PTBP3: variants seen among roughly 807,000 people sequenced by gnomAD.
PTBP3 encodes polypyrimidine tract binding protein 3, also known as polypyrimidine tract-binding protein 3.
In PTBP3, 20 loss-of-function variants were observed where a neutral mutation model predicts 58.7. That is an observed-to-expected ratio of 0.34 (90% confidence interval 0.24 to 0.50). The LOEUF is 0.50. Ranked by LOEUF, PTBP3 falls within the 20% of genes least tolerant of loss-of-function variation. The pLI is 0.98. For missense variants in PTBP3, 509 were observed against 637.2 expected (o/e 0.80, Z 2.17); for synonymous variants, 185 against 219.8 (o/e 0.84, Z 1.40).
At chr9:112,258,147 A>C (rs1836450892) in intron 5 of PTBP3, among the ~76,000 whole-genome samples, 1 of 152,204 alleles carries the variant, frequency 6.6e-6, no homozygotes, top group Admixed American at 6.5e-5. Flanking sequence ...CAATTCAAAA[A>C]GATTGGTCCT....
the PTBP3 span, among the ~76,000 whole-genome samples, chr9:112,366,630 C>A: frequency 6.6e-6 from 1 of 152,146 alleles, no homozygotes; most frequent in African/African-American, 2.4e-5. Flanking sequence ...TCCAAAGATG[C>A]GTAGAAATGC....
intron 1 of PTBP3, among the ~76,000 whole-genome samples, chr9:112,314,997 A>C (rs966392394): frequency 6.6e-6 from 1 of 152,038 alleles, no homozygotes; most frequent in Non-Finnish European, 1.5e-5. Flanking sequence ...ATGCCCGGCT[A>C]ATTTTTTGTA....
chr9:112,276,852 A>T (rs1449526209), intron 2 of PTBP3, among the ~76,000 whole-genome samples: 1 of 152,260 alleles, frequency 6.6e-6, no homozygotes, highest in Non-Finnish European at 1.5e-5. Flanking sequence ...TGCAAGTAAG[A>T]TTCAGAAAAG....
At chr9:112,238,524 T>G (rs1216426379) in intron 7 of PTBP3, among the ~76,000 whole-genome samples, 2 of 152,104 alleles carry the variant, frequency 1.3e-5, no homozygotes, top group Non-Finnish European at 2.9e-5. Context: ...AAAGGATAAT[T>G]TCTAGAACCA....
the PTBP3 span, among the ~76,000 whole-genome samples, chr9:112,378,569 T>C: frequency 6.6e-6 from 1 of 152,354 alleles, no homozygotes; most frequent in African/African-American, 2.4e-5. Context: ...GACAGATATA[T>C]ACACGCTTCA....
chr9:112,349,784 A>T, the PTBP3 span, among the ~76,000 whole-genome samples: 1 of 138,318 alleles, frequency 7.2e-6, no homozygotes, highest in East Asian at 2.2e-4. Flanking sequence ...GAATCGCTTG[A>T]ATCTGGGAGA....
chr9:112,258,926 A>G (rs73537745), intron 5 of PTBP3, among the ~76,000 whole-genome samples: 6,871 of 152,186 alleles, frequency 0.045, 275 homozygotes, highest in African/African-American at 0.096. Flanking sequence ...GTAGGACAAG[A>G]GCCTCCACTT....
Position 112,287,334 on chromosome 9 carries a change from G to GTTTTTTTTTTTTTTTTTTTTTTTTT in PTBP3, c.34+10497_34+10498insAAAAAAAAAAAAAAAAAAAAAAAAA, listed in dbSNP as rs34426952. 1.0e-4 allele frequency among the ~76,000 whole-genome samples: 10 copies of GTTTTTTTTTTTTTTTTTTTTTTTTT among 96,080 alleles called. 4 individuals carry two copies. The highest frequency in any genetic ancestry group is 9.5e-5 in the Non-Finnish European group (5 of 52,590). 63.0% of individuals were successfully genotyped at this position (96,080 alleles called of 152,430 possible). A position where few individuals can be genotyped will look rare whatever the true frequency, so the allele number is the denominator to read the frequency against. ...TAAGGCTCTGTTCACTTCTTTTTCA[G>GTTTTTTTTTTTTTTTTTTTTTTTTT]TTTTTTGTTTTTTTTTTTTTTTTGA... On this transcript the variant is annotated intron_variant, in intron 2 of 13. Transcript: ENST00000374257.
chr9:112,359,719 C>G, the PTBP3 span, among the ~76,000 whole-genome samples: 2 of 152,152 alleles, frequency 1.3e-5, no homozygotes, highest in African/African-American at 4.8e-5. Context: ...AGAAGAATCA[C>G]TTGAACCCGG....
intron 12 of PTBP3, among the ~76,000 whole-genome samples, chr9:112,226,452 T>A (rs1320921938): frequency 1.3e-5 from 2 of 152,208 alleles, no homozygotes; most frequent in Admixed American, 1.3e-4. Flanking sequence ...ACAGCTTTTA[T>A]CTCTTTTCCA....
chr9:112,305,211 C>A (rs934706054), intron 1 of PTBP3, among the ~76,000 whole-genome samples: 1 of 151,660 alleles, frequency 6.6e-6, no homozygotes, highest in African/African-American at 2.4e-5. Context: ...TTTGCCCTTT[C>A]CTTCCTAGAG....
chr9:112,268,515 C>T (rs1827214226), intron 3 of PTBP3, among the ~76,000 whole-genome samples: 1 of 150,930 alleles, frequency 6.6e-6, no homozygotes, highest in East Asian at 2.0e-4. Context: ...TGCAACACAG[C>T]GAGAACCCAT....
At chr9:112,320,291 A>AAAAAAATATATATATATATATAT (rs1411646280) in intron 1 of PTBP3, among the ~76,000 whole-genome samples, 4 of 73,534 alleles carry the variant, frequency 5.4e-5, no homozygotes, top group African/African-American at 3.6e-4. Flanking sequence ...AAAAAAAAAA[A>AAAAAAATATATATATATATATAT]ATATATATAT....
At chr9:112,259,714 C>T (rs1836512739) in intron 5 of PTBP3, among the ~76,000 whole-genome samples, 1 of 152,136 alleles carries the variant, frequency 6.6e-6, no homozygotes, top group African/African-American at 2.4e-5. Flanking sequence ...GCAGTTGAGC[C>T]AGGACCAATT....
chr9:112,321,098 C>G lies in PTBP3; in HGVS notation c.-52+12372G>C, dbSNP rs74732379. ...AACAAGCCACAGACAGGAAAATATTCACAATACATACACCTGACAAAGGAC... is the reference window on the plus strand; with the variant it reads ...AACAAGCCACAGACAGGAAAATATTGACAATACATACACCTGACAAAGGAC... On this transcript the variant is annotated intron_variant, in intron 1 of 13. Transcript: ENST00000374257. Among the ~76,000 whole-genome samples the G allele has an allele frequency of 6.8e-3, 1,039 of 152,172 alleles. 9 individuals are homozygous for G. Among genetic ancestry groups the G allele is most frequent in the African/African-American group, 0.017 (686 of 41,494 alleles).
At chr9:112,328,020 T>C (rs879637043) in intron 1 of PTBP3, among the ~76,000 whole-genome samples, 1 of 152,226 alleles carries the variant, frequency 6.6e-6, no homozygotes, top group African/African-American at 2.4e-5. Flanking sequence ...ACAACTCAGT[T>C]TTCTTTCTCT....
downstream of PTBP3, chr9:112,218,115 A>G (rs1211613864): frequency 2.6e-5 from 4 of 152,224 alleles, no homozygotes; most frequent in Admixed American, 2.0e-4. Context: ...AGAGAGAAAG[A>G]AAAAGGAGAG....
In PTBP3 at chr9:112,221,648, A is replaced by G; in HGVS notation, c.*2203T>C. The stretch of plus-strand genomic sequence containing the variant: ...AACTTATTTCATAAGTAAAAAAACA[A>G]AAAACTAAAAACTCCCACAACTACA... On this transcript the variant is annotated 3_prime_UTR_variant, in exon 14 of 14. Transcript: ENST00000374257. The G allele has an allele frequency of 1.0e-6, 1 of 985,374 alleles. No homozygotes were observed. Among genetic ancestry groups the G allele is most frequent in the Non-Finnish European group, 1.2e-6 (1 of 829,864 alleles). The allele number at this position is 985,374 out of a possible 1,614,324, so 61.0% of individuals were successfully genotyped here. A position where few individuals can be genotyped will look rare whatever the true frequency, so the allele number is the denominator to read the frequency against.
chr9:112,224,226 A>G lies in PTBP3; in HGVS notation c.1365-16T>C. 1 of 1,489,144 alleles carries G rather than the reference A, an allele frequency of 6.7e-7. No individual in the cohort carries two copies. Among genetic ancestry groups the G allele is most frequent in the Non-Finnish European group, 9.0e-7 (1 of 1,112,706 alleles). 92.2% of individuals were successfully genotyped at this position (1,489,144 alleles called of 1,614,324 possible). A position where few individuals can be genotyped will look rare whatever the true frequency, so the allele number is the denominator to read the frequency against. ...AACAGAAGGGCTGTGAAAACATCAGAGGGAGTCAACTACCTGGGCCGCATT... is the reference window on the plus strand; with the variant it reads ...AACAGAAGGGCTGTGAAAACATCAGGGGGAGTCAACTACCTGGGCCGCATT... On this transcript the variant is annotated splice_polypyrimidine_tract_variant and intron_variant, in intron 12 of 13. Transcript: ENST00000374257.
Sources: allele counts gnomAD v4.1 joint callset (sites outside exome capture counted in the v4.1 genomes callset), GRCh38; gene constraint gnomAD v4.1.1; transcripts MANE v1.5; gene names NCBI Gene and HGNC (gene_info 2026-07-23, HGNC 2026-07-21).